The following NMRAL1 variants were observed in gnomAD, a reference collection of about 807,000 sequenced individuals.
NMRAL1 encodes NmrA like redox sensor 1.
NMRAL1 carries 32 observed loss-of-function variants against 27.5 expected under a neutral mutation model. The ratio of observed to expected loss-of-function variants is 1.16; its 90% confidence interval spans 0.88 to 1.56. The LOEUF (loss-of-function observed/expected upper bound fraction) is 1.56, where lower values mean the gene tolerates loss of function less well. Among genes scored for constraint, NMRAL1 ranks in the 40% most tolerant of loss-of-function variants. The pLI, the probability that NMRAL1 is intolerant of heterozygous loss-of-function variation, is 0.00. For synonymous variants in NMRAL1, 166 were observed against 166.8 expected, an observed-to-expected ratio of 1.00 and a Z score of 0.04; for missense variants, 420 against 392.0, an observed-to-expected ratio of 1.07 and a Z score of -0.60.
intron 1 of NMRAL1, 69 bp downstream of exon 1, chr16:4,474,485 G>C (rs777609562): frequency 2.1e-4 from 57 of 268,218 alleles, no homozygotes; most frequent in Admixed American, 4.0e-4. Flanking sequence ...CTGCGGCCGA[G>C]TCCACTGCAG....
intron 5 of NMRAL1, chr16:4,463,431 T>A: frequency 1.8e-6 from 1 of 542,640 alleles, no homozygotes; most frequent in Non-Finnish European, 3.2e-6. Context: ...TTGGCTCCTA[T>A]GGCCCTCTCC....
chr16:4,463,516 G>C (rs1255508678), intron 5 of NMRAL1, 144 bp downstream of exon 5: 2 of 676,996 alleles, frequency 3.0e-6, no homozygotes, highest in South Asian at 4.0e-5. Context: ...TTAGCTCCTG[G>C]AACAGCAGAA....
Position 4,463,929 on chromosome 16 carries a change from A to C in NMRAL1, c.530-79T>G. 4 of 1,243,242 alleles carry C rather than the reference A, an allele frequency of 3.2e-6. No homozygotes were observed. The East Asian group carries it at 9.5e-5, about 30-fold the overall frequency. 77.0% of individuals were successfully genotyped at this position (1,243,242 alleles called of 1,614,324 possible). A position where few individuals can be genotyped will look rare whatever the true frequency, so the allele number is the denominator to read the frequency against. On this transcript the variant is annotated intron_variant, in intron 4 of 5. Coordinates refer to ENST00000283429, the MANE Select transcript of NMRAL1 (RefSeq NM_020677.6). The stretch of plus-strand genomic sequence containing the variant: ...GACAGAGCCCCTCTCCAAAGGGTCC[A>C]AGCTGGTTCTTCCCAGCAGTCAGCT...
At chr16:4,462,154 C>T (rs545493006) in intron 5 of NMRAL1, among the ~76,000 whole-genome samples, 195 bp from the exon 6 acceptor site, 2 of 152,350 alleles carry the variant, frequency 1.3e-5, no homozygotes, top group South Asian at 2.1e-4. Flanking sequence ...CTGCTGCTCT[C>T]CTGAGCTGCC....
In NMRAL1 at chr16:4,469,462, GCACCTA is replaced by G; in HGVS notation, c.41-3_43del. ...TGTGCGGGCCACGGAGCCACCCTGG[GCACCTA>G]CAAAGAATCAAAAAGACCTCTCAGG... On this transcript the variant is annotated splice_acceptor_variant and splice_polypyrimidine_tract_variant and coding_sequence_variant and intron_variant, in exon 3 of 6. Coordinates refer to ENST00000283429, the MANE Select transcript of NMRAL1 (RefSeq NM_020677.6). LOFTEE classifies it high-confidence loss of function. The G allele has an allele frequency of 6.2e-7, 1 of 1,613,084 alleles. No homozygotes were observed. The highest frequency in any genetic ancestry group is 2.2e-5 in the East Asian group (1 of 44,866).
Position 4,466,347 on chromosome 16 carries a change from C to A in NMRAL1, c.335G>T (p.Ser112Ile). ...CAGCTTCTTGATGTTCTCCAGGCCGCTGTAGACCACATAGTGGAGGCCCAG... is the reference window on the plus strand; with the variant it reads ...CAGCTTCTTGATGTTCTCCAGGCCGATGTAGACCACATAGTGGAGGCCCAG... ...RRLGLHYVVY[S>I]GLENIKKLTA... The change falls in exon 4 of 6, where the codon AGC becomes ATC. Residue 112 changes from serine to isoleucine, a missense_variant. By Grantham distance (142) the Ser-to-Ile change is moderately radical. Coordinates refer to ENST00000283429, the MANE Select transcript of NMRAL1 (RefSeq NM_020677.6). 6.2e-7 allele frequency: 1 copy of A among 1,613,818 alleles called. No individual in the cohort carries two copies. Among genetic ancestry groups the A allele is most frequent in the South Asian group, 1.1e-5 (1 of 91,064 alleles).
intron 3 of NMRAL1, among the ~76,000 whole-genome samples, chr16:4,468,260 C>G (rs2057406374): frequency 6.6e-6 from 1 of 152,064 alleles, no homozygotes; most frequent in South Asian, 2.1e-4. Context: ...CAAGATTGCG[C>G]CATTGCATGC....
At chr16:4,462,123 T>A (rs1057500794) in intron 5 of NMRAL1, among the ~76,000 whole-genome samples, 164 bp from the exon 6 acceptor site, 1 of 152,212 alleles carries the variant, frequency 6.6e-6, no homozygotes, top group Admixed American at 6.6e-5. Flanking sequence ...TGAAAACTTC[T>A]AAGAGCCGAA....
chr16:4,462,015 G>A (rs936793425), intron 5 of NMRAL1, 56 bp from the exon 6 acceptor site: 46 of 1,482,122 alleles, frequency 3.1e-5, no homozygotes, highest in Middle Eastern at 1.8e-4. Context: ...GGGAGGTGGC[G>A]GGGCAGGGAG....
Position 4,469,795 on chromosome 16 carries a change from A to C in NMRAL1, c.41-330T>G, listed in dbSNP as rs553826386. On this transcript the variant is annotated intron_variant, in intron 2 of 5. Transcript: ENST00000283429. ...GGCACGAGAATTGCTGGAACCCAGG[A>C]GGCGGAGGTTGCAGTGAGCTGAGAT... is the stretch of plus-strand genomic sequence containing the variant. 4 of 277,856 alleles carry C rather than the reference A, an allele frequency of 1.4e-5. No individual in the cohort carries two copies. In the South Asian group the frequency reaches 2.0e-4, roughly 14 times the overall value. The allele number at this position is 277,856 out of a possible 1,614,324, so 17.2% of individuals were successfully genotyped here.
Position 4,461,816 on chromosome 16 carries a change from C to T in NMRAL1, c.864G>A (p.Trp288Ter), listed in dbSNP as rs148278703. The change falls in exon 6 of 6, where the codon TGG becomes TGA. Residue 288 changes from tryptophan (W) to a stop codon, truncating the protein, a stop_gained. Coordinates refer to ENST00000283429, the MANE Select transcript of NMRAL1 (RefSeq NM_020677.6). LOFTEE classifies it high-confidence loss of function. The part of the protein sequence containing the change: ...LNPKALTLDQ[W>*]LEQHKGDFNL... ...TGAAGTCCCCTTTGTGCTGTTCCAG[C>T]CACTGGTCCAGCGTCAGGGCCTTGG... 4.3e-6 allele frequency: 7 copies of T among 1,614,102 alleles called. No individual in the cohort carries two copies. The highest frequency in any genetic ancestry group is 5.1e-6 in the Non-Finnish European group (6 of 1,179,982).
Position 4,461,793 on chromosome 16 carries a change from AAGTCC to A in NMRAL1, c.882_886del (p.Asp295GlnfsTer?). ...GAGGCGGGCAGGTCACAGCAGGTTG[AAGTCC>A]CCTTTGTGCTGTTCCAGCCACTGGT... On this transcript the variant is annotated frameshift_variant, in exon 6 of 6. Coordinates refer to ENST00000283429, the MANE Select transcript of NMRAL1 (RefSeq NM_020677.6). LOFTEE classifies it high-confidence loss of function. 1 of 1,612,108 alleles carries A rather than the reference AAGTCC, an allele frequency of 6.2e-7. No homozygotes were observed. The highest frequency in any genetic ancestry group is 8.5e-7 in the Non-Finnish European group (1 of 1,179,216).
At chr16:4,463,357 T>C in intron 5 of NMRAL1, 1 of 467,112 alleles carries the variant, frequency 2.1e-6, no homozygotes, top group Non-Finnish European at 3.7e-6. Context: ...TCCAGACTCT[T>C]TTCTCTTCAA....
At chr16:4,462,217 G>C (rs572430286) in intron 5 of NMRAL1, among the ~76,000 whole-genome samples, 35 of 152,340 alleles carry the variant, frequency 2.3e-4, no homozygotes, top group Admixed American at 2.1e-3. Flanking sequence ...TGTGGCTCAT[G>C]CCCGTAATCC....
chr16:4,463,975 A>G (rs1051243254), intron 4 of NMRAL1, 125 bp from the exon 5 acceptor site: 7 of 678,356 alleles, frequency 1.0e-5, no homozygotes, highest in East Asian at 8.8e-5. Context: ...GCACTCGGGC[A>G]TAGCTAAGAC....
intron 2 of NMRAL1, among the ~76,000 whole-genome samples, chr16:4,469,984 G>A (rs747861393): frequency 1.1e-3 from 163 of 151,502 alleles, no homozygotes; most frequent in Middle Eastern, 3.4e-3. Flanking sequence ...CTAACACAGT[G>A]AAACCCTGTC....
rs572798602 is a variant in NMRAL1, at chr16:4,474,155, C to G, written c.-23G>C. ...CATGAGGACGAGAATGGGACGAATC[C>G]GGTCCAGAGATCTGGGGGTAATGGG... On this transcript the variant is annotated 5_prime_UTR_variant, in exon 2 of 6. Transcript: ENST00000283429. 6.2e-7 allele frequency: 1 copy of G among 1,608,324 alleles called. No homozygotes were observed. The highest frequency in any genetic ancestry group is 8.5e-7 in the Non-Finnish European group (1 of 1,176,814).
In NMRAL1 at chr16:4,469,589, C is replaced by G. The variant is rs2057470700; in HGVS notation, c.41-124G>C. 3 of 1,521,294 alleles carry G rather than the reference C, an allele frequency of 2.0e-6. No homozygotes were observed. In the East Asian group the frequency reaches 6.8e-5, roughly 35 times the overall value. 94.2% of individuals were successfully genotyped at this position (1,521,294 alleles called of 1,614,324 possible). On this transcript the variant is annotated intron_variant, in intron 2 of 5. Transcript: ENST00000283429. ...CCAGGAAACCTTCTCAACGACGATT[C>G]TCATTCAGGTATTTTTATTTTCTTT...
At chr16:4,463,873 G>A in intron 4 of NMRAL1, 23 bp from the exon 5 acceptor site, 1 of 1,604,150 alleles carries the variant, frequency 6.2e-7, no homozygotes, top group Non-Finnish European at 8.5e-7. Flanking sequence ...GACGTGAGCT[G>A]GTATATGTCC....
Sources: gnomAD v4.1 joint callset for allele counts (sites outside exome capture counted in the v4.1 genomes callset) on GRCh38, gnomAD v4.1.1 for gene constraint, MANE v1.5 for transcripts, NCBI Gene and HGNC (gene_info 2026-07-23, HGNC 2026-07-21) for gene names.